TRAT1: variants seen among roughly 807,000 people sequenced by gnomAD.
The protein encoded by TRAT1 is T cell receptor associated transmembrane adaptor 1.
Under a neutral mutation model 20.0 loss-of-function variants are expected in TRAT1, and 20 were observed. That is an observed-to-expected ratio of 1.00 (90% CI 0.70 to 1.45). The LOEUF (loss-of-function observed/expected upper bound fraction) is 1.45, where lower values mean the gene tolerates loss of function less well. Among genes scored for constraint, TRAT1 ranks in the 40% most tolerant of loss-of-function variants. TRAT1 has a pLI of 0.00. For synonymous variants in TRAT1, 77 were observed against 74.2 expected, an observed-to-expected ratio of 1.04 and a Z score of -0.20; for missense variants, 237 against 224.1, an observed-to-expected ratio of 1.06 and a Z score of -0.37.
At position 108,835,895 on chromosome 3, in the gene TRAT1, GTATTTATT is replaced by G. The variant is rs67112821; in HGVS notation, c.119-3005_119-2998del. 2.6e-3 allele frequency among the ~76,000 whole-genome samples: 387 copies of G among 150,030 alleles called. 2 individuals are homozygous for G. Among genetic ancestry groups the G allele is most frequent in the African/African-American group, 4.7e-3 (190 of 40,662 alleles). ...ATTCAATAGAGTTAGTTGTTTGTTT[GTATTTATT>G]TATTTATTTATTTATTTATTTATTT... On this transcript the variant is annotated intron_variant, in intron 2 of 5. Coordinates refer to ENST00000295756, the MANE Select transcript of TRAT1 (RefSeq NM_016388.4).
At position 108,849,239 on chromosome 3, in the gene TRAT1, C is replaced by T. The variant is rs1945974510; in HGVS notation, c.288C>T (p.Ala96=). The change falls in exon 5 of 6, where the codon GCC becomes GCT. Residue 96 remains alanine, a synonymous_variant. Transcript: ENST00000295756. ...PEKSVNKMQE[A]TPSAQATNET... ...AATCTGTAAATAAGATGCAGGAAGC[C>T]ACCCCATCTGCACAGGTGAGTTTTG... The T allele has an allele frequency of 6.2e-7, 1 of 1,613,882 alleles. No homozygotes were observed. Among genetic ancestry groups the T allele is most frequent in the Non-Finnish European group, 8.5e-7 (1 of 1,179,890 alleles).
intron 2 of TRAT1, among the ~76,000 whole-genome samples, chr3:108,838,630 C>T (rs1021795660): frequency 3.9e-5 from 6 of 152,212 alleles, no homozygotes; most frequent in South Asian, 2.1e-4. Context: ...TGCATAAAAC[C>T]GCAATGCATC....
chr3:108,845,083 A>T (rs1945930096), intron 3 of TRAT1, among the ~76,000 whole-genome samples: 1 of 152,188 alleles, frequency 6.6e-6, no homozygotes, highest in Non-Finnish European at 1.5e-5. Flanking sequence ...ATTTATTTTT[A>T]AAAGTAATTA....
intron 1 of TRAT1, among the ~76,000 whole-genome samples, chr3:108,827,588 AAAAATCTTCCTGTTT>A (rs1483202755): frequency 6.6e-6 from 1 of 152,138 alleles, no homozygotes; most frequent in Non-Finnish European, 1.5e-5. Flanking sequence ...GCCTCCAAAT[AAAAATCTTCCTGTTT>A]AAAATTTATG....
intron 1 of TRAT1, among the ~76,000 whole-genome samples, chr3:108,825,803 T>A (rs1166290198): frequency 6.6e-6 from 1 of 152,176 alleles, no homozygotes; most frequent in Non-Finnish European, 1.5e-5. Context: ...ATAGGCCTTC[T>A]TGAAATATTA....
At chr3:108,823,754 A>G (rs1249447052) in intron 1 of TRAT1, among the ~76,000 whole-genome samples, 1 of 152,194 alleles carries the variant, frequency 6.6e-6, no homozygotes, top group Non-Finnish European at 1.5e-5. Context: ...TAACATAACC[A>G]TGTCCCTTTT....
chr3:108,844,184 T>G (rs1432086211), intron 3 of TRAT1, among the ~76,000 whole-genome samples: 2 of 152,258 alleles, frequency 1.3e-5, no homozygotes, highest in African/African-American at 2.4e-5. Context: ...ATTTGGATGT[T>G]GGAATCCTGC....
In TRAT1 at chr3:108,854,667, G is replaced by A. The variant is rs187750070; in HGVS notation, c.*790G>A. The A allele has an allele frequency of 2.6e-5, 4 of 151,964 alleles. No individual in the cohort carries two copies. The highest frequency in any genetic ancestry group is 7.2e-5 in the African/African-American group (3 of 41,394). 9.4% of individuals were successfully genotyped at this position (151,964 alleles called of 1,614,324 possible). A position where few individuals can be genotyped will look rare whatever the true frequency, so the allele number is the denominator to read the frequency against. On this transcript the variant is annotated 3_prime_UTR_variant, in exon 6 of 6. Transcript: ENST00000295756. ...CTTTCTTTCCAGTCAACAATATATTGTGGATTTATTTTCACTGTTATATTT... is the reference window on the plus strand; with the variant it reads ...CTTTCTTTCCAGTCAACAATATATTATGGATTTATTTTCACTGTTATATTT...
chr3:108,854,906 A>T lies in TRAT1; in HGVS notation c.*1029A>T, dbSNP rs1946030830. On this transcript the variant is annotated 3_prime_UTR_variant, in exon 6 of 6. Coordinates refer to ENST00000295756, the MANE Select transcript of TRAT1 (RefSeq NM_016388.4). ...TTTCATCAGAAACACATACTATAAT[A>T]CTTGTCTCTGTCCTTAAGTGTGATA... 1 of 152,060 alleles carries T rather than the reference A, an allele frequency of 6.6e-6. No individual in the cohort carries two copies. 9.4% of individuals were successfully genotyped at this position (152,060 alleles called of 1,614,324 possible).
chr3:108,853,420 C>T (rs1319297728), intron 5 of TRAT1, among the ~76,000 whole-genome samples, 200 bp from the exon 6 acceptor site: 1 of 152,154 alleles, frequency 6.6e-6, no homozygotes, highest in Non-Finnish European at 1.5e-5. Flanking sequence ...CATCTAAGCA[C>T]TTTTTCAACT....
intron 1 of TRAT1, among the ~76,000 whole-genome samples, chr3:108,825,261 T>C (rs1945726472): frequency 6.6e-6 from 1 of 152,188 alleles, no homozygotes; most frequent in Admixed American, 6.5e-5. Flanking sequence ...CCTATATGCC[T>C]GTAGTCACTG....
At chr3:108,823,338 A>G (rs1486401327) in intron 1 of TRAT1, among the ~76,000 whole-genome samples, 2 of 152,184 alleles carry the variant, frequency 1.3e-5, no homozygotes, top group African/African-American at 4.8e-5. Flanking sequence ...AAGCAATGCA[A>G]TTGTCAACAT....
At chr3:108,832,575 T>C (rs575613307) in intron 2 of TRAT1, among the ~76,000 whole-genome samples, 12 of 152,106 alleles carry the variant, frequency 7.9e-5, no homozygotes, top group Non-Finnish European at 1.2e-4. Flanking sequence ...ATCCAGATAA[T>C]ATATAGCCAG....
chr3:108,832,995 T>G (rs1225811660), intron 2 of TRAT1, among the ~76,000 whole-genome samples: 1 of 152,194 alleles, frequency 6.6e-6, no homozygotes, highest in Non-Finnish European at 1.5e-5. Flanking sequence ...ACAATTCTCA[T>G]TTTTGGTAGT....
chr3:108,843,334 A>C (rs1404956619), intron 3 of TRAT1, among the ~76,000 whole-genome samples: 1 of 152,152 alleles, frequency 6.6e-6, no homozygotes, highest in Non-Finnish European at 1.5e-5. Context: ...GATTGAGATA[A>C]TCCTGGCCAA....
chr3:108,837,432 T>TG (rs1945850382), intron 2 of TRAT1, among the ~76,000 whole-genome samples: 1 of 152,248 alleles, frequency 6.6e-6, no homozygotes, highest in African/African-American at 2.4e-5. Context: ...TTTCATAAAT[T>TG]GTTCCACTAA....
rs531919312 is a variant in TRAT1, at chr3:108,831,416, C to A, written c.118+636C>A. On this transcript the variant is annotated intron_variant, in intron 2 of 5. Coordinates refer to ENST00000295756, the MANE Select transcript of TRAT1 (RefSeq NM_016388.4). ...GCCTGAAGCCCAGCAGCTGGCACAG[C>A]CTTTGTATGCTGTAGGCATCCAATT... Among the ~76,000 whole-genome samples, 8 of 152,264 alleles carry A rather than the reference C, an allele frequency of 5.3e-5. No individual in the cohort carries two copies. In the South Asian group the frequency reaches 1.7e-3, roughly 32 times the overall value.
chr3:108,829,152 T>C (rs1057137357), intron 1 of TRAT1, among the ~76,000 whole-genome samples: 1 of 152,230 alleles, frequency 6.6e-6, no homozygotes, highest in Admixed American at 6.5e-5. Flanking sequence ...AAATGCTTAA[T>C]TTTAACCAAT....
At chr3:108,852,789 G>A (rs1325970813) in intron 5 of TRAT1, among the ~76,000 whole-genome samples, 1 of 152,160 alleles carries the variant, frequency 6.6e-6, no homozygotes, top group Non-Finnish European at 1.5e-5. Context: ...CAAGAAAATT[G>A]AGGTTCAGAA....
Sources: gnomAD v4.1 joint callset for allele counts (sites outside exome capture counted in the v4.1 genomes callset) on GRCh38, gnomAD v4.1.1 for gene constraint, MANE v1.5 for transcripts, NCBI Gene and HGNC (gene_info 2026-07-23, HGNC 2026-07-21) for gene names.